The following EVC2 variants were observed in gnomAD, a reference collection of about 807,000 sequenced individuals.
The protein encoded by EVC2 is limbin.
A neutral mutation model predicts 149.3 loss-of-function variants in EVC2; 148 were observed. That is an observed-to-expected ratio of 0.99 (90% CI 0.87 to 1.14). The LOEUF (loss-of-function observed/expected upper bound fraction) is 1.14, where lower values mean the gene tolerates loss of function less well. Among genes scored for constraint, EVC2 ranks in the 50% most tolerant of loss-of-function variants. The pLI is 0.00. For missense variants in EVC2, 1,854 were observed against 1,627.3 expected, an observed-to-expected ratio of 1.14 and a Z score of -2.40; for synonymous variants, 776 against 649.9, an observed-to-expected ratio of 1.19 and a Z score of -2.95.
chr4:5,690,177 C>T (rs978599878), intron 4 of EVC2, among the ~76,000 whole-genome samples: 4 of 152,146 alleles, frequency 2.6e-5, no homozygotes, highest in African/African-American at 9.7e-5. Context: ...GAAAAAGTCA[C>T]TAGAAGGATA....
In EVC2 at chr4:5,578,794, C is replaced by T. The variant is rs1711515156; in HGVS notation, c.3058-2340G>A. 2.0e-5 allele frequency among the ~76,000 whole-genome samples: 3 copies of T among 152,012 alleles called. No individual in the cohort carries two copies. The South Asian group carries it at 6.2e-4, about 32-fold the overall frequency. ...CTAGTGAGGGAGAGACTCATGTCAA[C>T]AGTTGCAGAGATGGGAAATGCCATC... On this transcript the variant is annotated intron_variant, in intron 17 of 21. Transcript: ENST00000344408.
At chr4:5,588,684 A>G (rs1044036632) in intron 16 of EVC2, among the ~76,000 whole-genome samples, 4 of 152,172 alleles carry the variant, frequency 2.6e-5, no homozygotes, top group African/African-American at 9.7e-5. Context: ...GTGTGTGTAT[A>G]TTCAAATCAA....
chr4:5,631,736 T>C, intron 11 of EVC2, 57 bp downstream of exon 11: 5 of 1,606,328 alleles, frequency 3.1e-6, no homozygotes, highest in Non-Finnish European at 4.2e-6. Context: ...AGAGGAGACA[T>C]TTACTGAAAC....
chr4:5,557,213 G>C (rs1319830432), intron 21 of EVC2, among the ~76,000 whole-genome samples: 1 of 152,056 alleles, frequency 6.6e-6, no homozygotes, highest in Non-Finnish European at 1.5e-5. Context: ...TTTATAAAAA[G>C]AATGATACAC....
chr4:5,657,047 C>A lies in EVC2; in HGVS notation c.1145+6060G>T, dbSNP rs1190738178. Among the ~76,000 whole-genome samples, 1 of 152,138 alleles carries A rather than the reference C, an allele frequency of 6.6e-6. No individual in the cohort carries two copies. The highest frequency in any genetic ancestry group is 2.4e-5 in the African/African-American group (1 of 41,442). ...TCAGGCCTGGGTTTTAACCACTGGG[C>A]TCTATGCCCTGCCCGCCAGTGGCCT... On this transcript the variant is annotated intron_variant, in intron 9 of 21. Coordinates refer to ENST00000344408, the MANE Select transcript of EVC2 (RefSeq NM_147127.5). The surrounding 1 kb of genome is among the most constrained non-coding windows in gnomAD (Gnocchi z 4.7).
intron 21 of EVC2, among the ~76,000 whole-genome samples, chr4:5,546,500 G>A (rs1019808656): frequency 1.3e-5 from 2 of 151,980 alleles, no homozygotes; most frequent in African/African-American, 4.8e-5. Flanking sequence ...TCACTCATAG[G>A]TGGGAATTGA....
At chr4:5,615,587 C>T (rs1715187327) in intron 15 of EVC2, 43 bp from the exon 16 acceptor site, 1 of 1,613,914 alleles carries the variant, frequency 6.2e-7, no homozygotes, top group Non-Finnish European at 8.5e-7. Context: ...AGGCAATCAC[C>T]AGCAAGTCCA....
At position 5,684,861 on chromosome 4, in the gene EVC2, G is replaced by A. The variant is rs542628074; in HGVS notation, c.816+509C>T. ...CCTTATAGAAGAGGCTAGGACAGAC[G>A]TGCAGCCAGGGAAGGCCTTAGGAAG... is the stretch of plus-strand genomic sequence containing the variant. On this transcript the variant is annotated intron_variant, in intron 6 of 21. Transcript: ENST00000344408. Among the ~76,000 whole-genome samples, 24 of 152,204 alleles carry A rather than the reference G, an allele frequency of 1.6e-4. No homozygotes were observed. In the East Asian group the frequency reaches 3.7e-3, roughly 23 times the overall value.
chr4:5,626,264 G>A lies in EVC2; in HGVS notation c.1887-356C>T, dbSNP rs574652991. On this transcript the variant is annotated intron_variant, in intron 12 of 21. Coordinates refer to ENST00000344408, the MANE Select transcript of EVC2 (RefSeq NM_147127.5). ...AAACAAAGTCAAAGAGGCAAAGGCA[G>A]GGAATACTCTGTGTGATGGTTAATT... 1.2e-4 allele frequency among the ~76,000 whole-genome samples: 18 copies of A among 151,860 alleles called. No individual in the cohort carries two copies. The South Asian group carries it at 3.7e-3, about 32-fold the overall frequency.
At chr4:5,571,146 T>A (rs957047311) in intron 19 of EVC2, among the ~76,000 whole-genome samples, 12 of 151,554 alleles carry the variant, frequency 7.9e-5, no homozygotes, top group African/African-American at 2.9e-4. Flanking sequence ...TGAAACCCCG[T>A]CTCTACTGAA....
At chr4:5,606,599 C>T (rs1714407412) in intron 16 of EVC2, among the ~76,000 whole-genome samples, 1 of 152,108 alleles carries the variant, frequency 6.6e-6, no homozygotes, top group Non-Finnish European at 1.5e-5. Context: ...ATGAAATTTA[C>T]AATGCCCAGC....
At chr4:5,595,735 A>C (rs1057244583) in intron 16 of EVC2, among the ~76,000 whole-genome samples, 54 of 152,250 alleles carry the variant, frequency 3.5e-4, no homozygotes, top group African/African-American at 1.3e-3. Flanking sequence ...CTTTAAATGT[A>C]AATGGACTAA....
At chr4:5,621,117 T>G (rs1395734103) in intron 14 of EVC2, among the ~76,000 whole-genome samples, 2 of 152,196 alleles carry the variant, frequency 1.3e-5, no homozygotes, top group African/African-American at 4.8e-5. Context: ...ATAGTATCAA[T>G]CTTTGCAAAC....
In EVC2 at chr4:5,654,284, A is replaced by C. The variant is rs137990271; in HGVS notation, c.1145+8823T>G. On this transcript the variant is annotated intron_variant, in intron 9 of 21. Transcript: ENST00000344408. Reference sequence around the variant, plus strand: ...AGAGGAGGCCTGGAGTGAGGCCTGGAGTCAGCCCTGGAGTCCAGGAAAGGC... The same window carrying C: ...AGAGGAGGCCTGGAGTGAGGCCTGGCGTCAGCCCTGGAGTCCAGGAAAGGC... Among the ~76,000 whole-genome samples, 1,242 of 151,854 alleles carry C rather than the reference A, an allele frequency of 8.2e-3. 10 individuals are homozygous for C. The highest frequency in any genetic ancestry group is 0.031 in the Middle Eastern group (9 of 294).
At chr4:5,620,252 C>T (rs116356122) in intron 14 of EVC2, among the ~76,000 whole-genome samples, 3,314 of 152,278 alleles carry the variant, frequency 0.022, 118 homozygotes, top group African/African-American at 0.076. Flanking sequence ...TACGCCGAAT[C>T]CAAAGTGAAA....
chr4:5,688,135 C>T (rs1051372327), intron 5 of EVC2, among the ~76,000 whole-genome samples: 4 of 152,094 alleles, frequency 2.6e-5, no homozygotes, highest in Non-Finnish European at 5.9e-5. Flanking sequence ...ACTTTTATGA[C>T]ATCATTTAAA....
rs540393737 is a variant in EVC2 at position 5,686,489 on chromosome 4, G to A, written c.707-1010C>T. Reference sequence around the variant, plus strand: ...ATACAGTGATTTCATCACTCTCCACGTGCTGCACCTGCATTAACCCAGCTG... The same window carrying A: ...ATACAGTGATTTCATCACTCTCCACATGCTGCACCTGCATTAACCCAGCTG... On this transcript the variant is annotated intron_variant, in intron 5 of 21. Coordinates refer to ENST00000344408, the MANE Select transcript of EVC2 (RefSeq NM_147127.5). The surrounding 1 kb of genome is among the most constrained non-coding windows in gnomAD (Gnocchi z 5.4). 2.6e-5 allele frequency among the ~76,000 whole-genome samples: 4 copies of A among 152,212 alleles called. No individual in the cohort carries two copies. Among genetic ancestry groups the A allele is most frequent in the East Asian group, 1.9e-4 (1 of 5,178 alleles).
chr4:5,535,489 AAATT>A, the EVC2 span, among the ~76,000 whole-genome samples: 16 of 152,216 alleles, frequency 1.1e-4, no homozygotes, highest in African/African-American at 2.6e-4. This position sits in a 1 kb window ranked among gnomAD's most constrained non-coding sequence, Gnocchi z 4.7. Flanking sequence ...CTGCTATAAC[AAATT>A]ATTACAGACT....
rs1715044017 is a variant in EVC2 at position 5,613,940 on chromosome 4, GTT to G, written c.2829+1480_2829+1481del. 1.3e-5 allele frequency among the ~76,000 whole-genome samples: 2 copies of G among 152,130 alleles called. No individual in the cohort carries two copies. Among genetic ancestry groups the G allele is most frequent in the Admixed American group, 1.3e-4 (2 of 15,270 alleles). On this transcript the variant is annotated intron_variant, in intron 16 of 21. Transcript: ENST00000344408. This position sits in a 1 kb window ranked among gnomAD's most constrained non-coding sequence, Gnocchi z 4.6. ...GCTCTTGGCGAGATCGTGCATTCGT[GTT>G]CTGAGAAATACACCGGCACTAAAAT...
Sources: allele counts gnomAD v4.1 joint callset (sites outside exome capture counted in the v4.1 genomes callset), GRCh38; gene constraint gnomAD v4.1.1; non-coding constraint Gnocchi (gnomAD v3.1); transcripts MANE v1.5; gene names NCBI Gene and HGNC (gene_info 2026-07-23, HGNC 2026-07-21).